Variants in HPSE2 observed in about 807,000 individuals in gnomAD.
The protein encoded by HPSE2 is inactive heparanase-2.
In HPSE2, 38 loss-of-function variants were observed where a neutral mutation model predicts 60.5. That is an observed-to-expected ratio of 0.63 (90% CI 0.48 to 0.82). The LOEUF is 0.82. Ranked by LOEUF, HPSE2 falls within the 40% of genes least tolerant of loss-of-function variation. The pLI is 0.00. For missense variants in HPSE2, 713 were observed against 740.4 expected (o/e 0.96, Z 0.43); for synonymous variants, 295 against 293.2 (o/e 1.01, Z -0.06).
chr10:98,460,731 C>T (rs1925644), intron 11 of HPSE2, among the ~76,000 whole-genome samples: 80,653 of 152,156 alleles, frequency 0.53, 21,712 homozygotes, highest in African/African-American at 0.62. Context: ...TTGCTTTTAT[C>T]CTTTCTGTAT....
At chr10:99,060,658 CAAAAAAAAAAAA>C (rs35034456) in intron 3 of HPSE2, among the ~76,000 whole-genome samples, 12 of 47,774 alleles carry the variant, frequency 2.5e-4, no homozygotes, top group African/African-American at 1.0e-3. Context: ...AACTCTGTCT[CAAAAAAAAAAAA>C]AAAAAAAAAA....
intron 3 of HPSE2, among the ~76,000 whole-genome samples, chr10:99,132,235 G>A (rs1486968261): frequency 4.5e-4 from 19 of 42,366 alleles, no homozygotes; most frequent in African/African-American, 6.1e-4. Context: ...GAGAGAGAGA[G>A]AGAGAGAGAA....
At chr10:98,856,941 C>T (rs1952331684) in intron 3 of HPSE2, among the ~76,000 whole-genome samples, 1 of 152,132 alleles carries the variant, frequency 6.6e-6, no homozygotes, top group Admixed American at 6.6e-5. Context: ...CTCAGTGACC[C>T]GATGGGCAAT....
intron 3 of HPSE2, among the ~76,000 whole-genome samples, chr10:98,965,611 C>T (rs112637910): frequency 3.9e-5 from 6 of 152,228 alleles, no homozygotes; most frequent in African/African-American, 1.2e-4. Context: ...CTTCCATTCT[C>T]TTGTGCCTCT....
intron 3 of HPSE2, among the ~76,000 whole-genome samples, chr10:98,904,123 G>A (rs534505537): frequency 2.6e-5 from 4 of 152,002 alleles, no homozygotes; most frequent in African/African-American, 4.8e-5. Flanking sequence ...GTGATATATC[G>A]ATATTTTAGA....
At chr10:98,550,707 C>T (rs1202510216) in intron 9 of HPSE2, among the ~76,000 whole-genome samples, 1 of 151,996 alleles carries the variant, frequency 6.6e-6, no homozygotes. Flanking sequence ...ATCTCCTGAC[C>T]TCGTGATATG....
At chr10:98,686,655 G>T (rs1423889196) in intron 6 of HPSE2, among the ~76,000 whole-genome samples, 1 of 152,078 alleles carries the variant, frequency 6.6e-6, no homozygotes, top group East Asian at 1.9e-4. Flanking sequence ...TCCTCCCATT[G>T]CAGCCTCCCA....
intron 3 of HPSE2, among the ~76,000 whole-genome samples, chr10:98,799,545 C>A (rs868608893): frequency 6.6e-6 from 1 of 152,050 alleles, no homozygotes; most frequent in Non-Finnish European, 1.5e-5. Context: ...GGTCACAAAA[C>A]AAGTCTTAAA....
chr10:99,146,653 G>T (rs1756001526), intron 2 of HPSE2, among the ~76,000 whole-genome samples: 1 of 152,174 alleles, frequency 6.6e-6, no homozygotes, highest in South Asian at 2.1e-4. Flanking sequence ...CTTGAGGTCA[G>T]GAGTTCAAGA....
intron 3 of HPSE2, among the ~76,000 whole-genome samples, chr10:99,062,887 A>G (rs1055419609): frequency 2.6e-5 from 4 of 152,202 alleles, no homozygotes; most frequent in African/African-American, 9.6e-5. Context: ...CACTCTCCTT[A>G]AACACTGTTA....
At chr10:98,852,419 C>T (rs902739714) in intron 3 of HPSE2, among the ~76,000 whole-genome samples, 5 of 152,100 alleles carry the variant, frequency 3.3e-5, no homozygotes, top group African/African-American at 1.2e-4. Context: ...CACTATGTTG[C>T]CTATGCTTCT....
intron 6 of HPSE2, among the ~76,000 whole-genome samples, chr10:98,689,926 T>C (rs976288897): frequency 2.0e-5 from 3 of 152,194 alleles, no homozygotes; most frequent in Non-Finnish European, 4.4e-5. Context: ...CCTTCTAAAT[T>C]TGTGACATTC....
At chr10:98,726,404 A>G (rs1672021906) in intron 4 of HPSE2, among the ~76,000 whole-genome samples, 2 of 144,298 alleles carry the variant, frequency 1.4e-5, no homozygotes, top group South Asian at 4.6e-4. Flanking sequence ...CAAATGCCGC[A>G]TGTTCTCACT....
intron 10 of HPSE2, among the ~76,000 whole-genome samples, chr10:98,489,207 A>G (rs1043175067): frequency 9.2e-5 from 14 of 152,228 alleles, no homozygotes; most frequent in Non-Finnish European, 1.5e-4. Flanking sequence ...TGCCTTAAAC[A>G]GGAAGTGATG....
intron 5 of HPSE2, among the ~76,000 whole-genome samples, chr10:98,702,265 C>T (rs1948430231): frequency 6.6e-6 from 1 of 152,100 alleles, no homozygotes; most frequent in Admixed American, 6.6e-5. Flanking sequence ...AGCCAACTAT[C>T]CTAAATATAA....
At chr10:98,938,238 A>T (rs1482482930) in intron 3 of HPSE2, among the ~76,000 whole-genome samples, 3 of 145,170 alleles carry the variant, frequency 2.1e-5, no homozygotes, top group Non-Finnish European at 4.5e-5. Context: ...AGCTGGACGG[A>T]GAATGACTTT....
chr10:98,937,951 A>G (rs1283302525), intron 3 of HPSE2, among the ~76,000 whole-genome samples: 1 of 143,562 alleles, frequency 7.0e-6, no homozygotes, highest in African/African-American at 2.8e-5. Context: ...TGTTCTGCAG[A>G]CACCTCTGCT....
At chr10:98,721,087 A>T (rs1050425802) in intron 5 of HPSE2, among the ~76,000 whole-genome samples, 4 of 152,164 alleles carry the variant, frequency 2.6e-5, no homozygotes, top group African/African-American at 9.7e-5. Context: ...CTGACACATA[A>T]AAGAAAAATT....
At chr10:98,575,331 T>C (rs1481817142) in intron 9 of HPSE2, among the ~76,000 whole-genome samples, 2 of 152,116 alleles carry the variant, frequency 1.3e-5, no homozygotes, top group Admixed American at 1.3e-4. Context: ...CAGCACCACA[T>C]GGCCGTGATG....
Sources: gnomAD v4.1 joint callset for allele counts (sites outside exome capture counted in the v4.1 genomes callset) on GRCh38, gnomAD v4.1.1 for gene constraint, MANE v1.5 for transcripts, NCBI Gene and HGNC (gene_info 2026-07-23, HGNC 2026-07-21) for gene names.